Variants in SNRNP200 observed in about 807,000 individuals in gnomAD.
SNRNP200 encodes small nuclear ribonucleoprotein U5 subunit 200.
SNRNP200 carries 66 observed loss-of-function variants against 255.2 expected under a neutral mutation model. The ratio of observed to expected loss-of-function variants is 0.26; its 90% CI spans 0.21 to 0.32. The LOEUF (loss-of-function observed/expected upper bound fraction) is 0.32. SNRNP200 is among the 10% of genes least tolerant of loss of function. SNRNP200 has a pLI of 1.00. For missense variants in SNRNP200, 1,585 were observed against 2,749.8 expected (o/e 0.58, Z 9.47); for synonymous variants, 939 against 1,027.8 (o/e 0.91, Z 1.65).
intron 24 of SNRNP200, among the ~76,000 whole-genome samples, 180 bp from the exon 25 acceptor site, chr2:96,288,149 G>C (rs2063855306): frequency 1.3e-5 from 2 of 152,154 alleles, no homozygotes; most frequent in African/African-American, 2.4e-5. Context: ...TTGCCGGATG[G>C]GGAACAATTA....
rs957502407 is a variant in SNRNP200, at chr2:96,278,136, G to A, written c.5610+101C>T. The stretch of plus-strand genomic sequence containing the variant: ...GGAGGACATATGGCGGGGGTCGGGG[G>A]ATGCGTATGGGCGTGTTGGTGGCAG... On this transcript the variant is annotated intron_variant, in intron 39 of 44. Coordinates refer to ENST00000323853, the MANE Select transcript of SNRNP200 (RefSeq NM_014014.5). The surrounding 1 kb of genome is among the most constrained non-coding windows in gnomAD (Gnocchi z 6.9). 3.2e-6 allele frequency: 5 copies of A among 1,581,550 alleles called. No homozygotes were observed. Among genetic ancestry groups the A allele is most frequent in the Non-Finnish European group, 4.3e-6 (5 of 1,152,672 alleles).
Position 96,305,464 on chromosome 2 carries a change from C to A in SNRNP200, c.-27G>T. 6.2e-7 allele frequency: 1 copy of A among 1,613,730 alleles called. No individual in the cohort carries two copies. The highest frequency in any genetic ancestry group is 8.5e-7 in the Non-Finnish European group (1 of 1,180,012). On this transcript the variant is annotated 5_prime_UTR_variant, in exon 1 of 45. Transcript: ENST00000323853. Reference sequence around the variant, plus strand: ...GCCGCGGCTGCTCGGAGGCTTCAGACCACCACGCCTCCCTACCGCAAGCTG... The same window carrying A: ...GCCGCGGCTGCTCGGAGGCTTCAGAACACCACGCCTCCCTACCGCAAGCTG...
At chr2:96,296,358 A>G (rs1054192592) in intron 13 of SNRNP200, among the ~76,000 whole-genome samples, 178 bp downstream of exon 13, 1 of 152,182 alleles carries the variant, frequency 6.6e-6, no homozygotes, top group Non-Finnish European at 1.5e-5. Flanking sequence ...TACTTCAGAA[A>G]CTCTGTACCT....
At chr2:96,295,749 G>C in intron 13 of SNRNP200, 91 bp from the exon 14 acceptor site, 1 of 1,362,210 alleles carries the variant, frequency 7.3e-7, no homozygotes, top group Non-Finnish European at 1.0e-6. Context: ...AGGGCATTGG[G>C]AGCAGGTATC....
At position 96,283,373 on chromosome 2, in the gene SNRNP200, C is replaced by T. The variant is rs1436457211; in HGVS notation, c.4764-21G>A. ...AGAACCTGTGCGGTACAGGCACTGG[C>T]TCAGCTCAGAGTAGTTCAATTCCTG... On this transcript the variant is annotated intron_variant, in intron 33 of 44. Coordinates refer to ENST00000323853, the MANE Select transcript of SNRNP200 (RefSeq NM_014014.5). This position sits in a 1 kb window ranked among gnomAD's most constrained non-coding sequence, Gnocchi z 4.7. 6.2e-7 allele frequency: 1 copy of T among 1,613,988 alleles called. No homozygotes were observed. The highest frequency in any genetic ancestry group is 1.7e-5 in the Admixed American group (1 of 60,000).
intron 29 of SNRNP200, among the ~76,000 whole-genome samples, chr2:96,285,912 A>G (rs936690854): frequency 2.6e-5 from 4 of 152,190 alleles, no homozygotes; most frequent in Admixed American, 1.3e-4. Flanking sequence ...TAAGAGAGAA[A>G]ACACCGGTGA....
rs917860283 is a variant in SNRNP200 at position 96,288,647 on chromosome 2, A to C, written c.3258+16T>G. The C allele has an allele frequency of 1.2e-6, 2 of 1,610,966 alleles. No individual in the cohort carries two copies. The highest frequency in any genetic ancestry group is 2.7e-5 in the African/African-American group (2 of 74,864). On this transcript the variant is annotated intron_variant, in intron 24 of 44. Coordinates refer to ENST00000323853, the MANE Select transcript of SNRNP200 (RefSeq NM_014014.5). ...TCAGGCCCCTTCTCACAGCTGCCAT[A>C]CAACTCCGCTCTCACCTGTGTGACA...
At position 96,305,539 on chromosome 2, in the gene SNRNP200, G is replaced by A. The variant is rs899400829; in HGVS notation, c.-102C>T. ...CGCCGCGCCGGAACGACGCAGGAAA[G>A]ACGCACTGGGGAAGGAAAAGAAACG... On this transcript the variant is annotated 5_prime_UTR_variant, in exon 1 of 45. Coordinates refer to ENST00000323853, the MANE Select transcript of SNRNP200 (RefSeq NM_014014.5). 2 of 1,499,594 alleles carry A rather than the reference G, an allele frequency of 1.3e-6. No homozygotes were observed. Among genetic ancestry groups the A allele is most frequent in the Non-Finnish European group, 1.8e-6 (2 of 1,084,556 alleles). The allele number at this position is 1,499,594 out of a possible 1,614,324, so 92.9% of individuals were successfully genotyped here.
intron 35 of SNRNP200, chr2:96,281,222 A>G (rs1385468247): frequency 1.4e-5 from 2 of 140,178 alleles, no homozygotes; most frequent in African/African-American, 5.5e-5. Context: ...GCTAGAGTGC[A>G]ATGGTGGGAT....
chr2:96,301,245 C>A (rs916094276), intron 4 of SNRNP200, among the ~76,000 whole-genome samples, 192 bp from the exon 5 acceptor site: 1 of 152,202 alleles, frequency 6.6e-6, no homozygotes, highest in Admixed American at 6.5e-5. Flanking sequence ...CACCTGCCAG[C>A]CTTGGAGTCA....
chr2:96,286,465 A>G lies in SNRNP200; in HGVS notation c.3849T>C (p.Pro1283=). Residue 1283 remains proline, a synonymous_variant, in exon 29 of 45, where the codon CCT becomes CCC. Transcript: ENST00000323853. The surrounding 1 kb of genome is among the most constrained non-coding windows in gnomAD (Gnocchi z 4.8). ...GCAAGATCAGGTGCCGGAAGGAGAC[A>G]GGCAGCTGGGTCTCACAAGCTGCCA... is the stretch of plus-strand genomic sequence containing the variant. The part of the protein sequence containing the change: ...DRWLSCETQL[P]VSFRHLILPE... 3.1e-6 allele frequency: 5 copies of G among 1,614,192 alleles called. No individual in the cohort carries two copies. The highest frequency in any genetic ancestry group is 3.4e-6 in the Non-Finnish European group (4 of 1,180,030).
intron 13 of SNRNP200, 44 bp downstream of exon 13, chr2:96,296,492 T>A (rs766090940): frequency 6.2e-7 from 1 of 1,606,384 alleles, no homozygotes. Context: ...AACACTTTCA[T>A]AGGTGCACCC....
chr2:96,297,993 T>C (rs1051833367), intron 9 of SNRNP200, among the ~76,000 whole-genome samples: 1 of 152,190 alleles, frequency 6.6e-6, no homozygotes, highest in Non-Finnish European at 1.5e-5. Context: ...TGGGTTCCAT[T>C]AAGCAAGTAC....
chr2:96,299,365 C>T lies in SNRNP200; in HGVS notation c.693G>A (p.Gly231=), dbSNP rs755766218. 3.1e-6 allele frequency: 5 copies of T among 1,613,998 alleles called. No individual in the cohort carries two copies. Among genetic ancestry groups the T allele is most frequent in the Admixed American group, 1.7e-5 (1 of 60,004 alleles). Residue 231 remains glycine (G), a synonymous_variant, in exon 6 of 45, where the codon GGG becomes GGA. Coordinates refer to ENST00000323853, the MANE Select transcript of SNRNP200 (RefSeq NM_014014.5). ...GGGTGCAGCGCACGACAGCCTCGTC[C>T]CCTTCCATGTCATCATCAGATGCCT... ...REEASDDDME[G]DEAVVRCTLS... is the part of the protein sequence containing the mutation.
rs1180809021 is a variant in SNRNP200, at chr2:96,288,671, C to A, written c.3250G>T (p.Val1084Phe). The A allele has an allele frequency of 1.2e-6, 2 of 1,613,862 alleles. No individual in the cohort carries two copies. Among genetic ancestry groups the A allele is most frequent in the East Asian group, 4.5e-5 (2 of 44,870 alleles). ...TACAACTCCGCTCTCACCTGTGTGA[C>A]ATACACCATGTCAGCCATCAGTGCA... ...GFALMADMVY[V>F]TQSAGRLMRA... Residue 1084 changes from valine (V) to phenylalanine (F), a missense_variant, in exon 24 of 45, where the codon GTC (valine) becomes TTC (phenylalanine). Coordinates refer to ENST00000323853, the MANE Select transcript of SNRNP200 (RefSeq NM_014014.5).
chr2:96,295,613 G>T lies in SNRNP200; in HGVS notation c.1717C>A (p.His573Asn). The T allele has an allele frequency of 6.2e-7, 1 of 1,614,004 alleles. No homozygotes were observed. The highest frequency in any genetic ancestry group is 8.5e-7 in the Non-Finnish European group (1 of 1,180,010). The change falls in exon 14 of 45, where the codon CAC (histidine) becomes AAC (asparagine). Residue 573 changes from histidine (H) to asparagine (N), a missense_variant. By Grantham distance (68) the His-to-Asn change is moderately conservative (BLOSUM62 1). Transcript: ENST00000323853. ...GITVAELTGD[H>N]QLCKEEISAT... ...CTGATCTCTTCTTTGCACAGCTGGT[G>T]GTCCCCAGTCAGTTCAGCAACAGTG...
At position 96,287,296 on chromosome 2, in the gene SNRNP200, A is replaced by C; in HGVS notation, c.3485-136T>G. ...GGAGCCCAGGATTCCAAGTCCCCAG[A>C]CCAAGGGCCAGCCTGTACTTCAGTG... On this transcript the variant is annotated intron_variant, in intron 26 of 44. Transcript: ENST00000323853. The surrounding 1 kb of genome is among the most constrained non-coding windows in gnomAD (Gnocchi z 5.7). The C allele has an allele frequency of 7.9e-7, 1 of 1,258,556 alleles. No individual in the cohort carries two copies. The highest frequency in any genetic ancestry group is 1.2e-5 in the South Asian group (1 of 83,090). 78.0% of individuals were successfully genotyped at this position (1,258,556 alleles called of 1,614,324 possible).
Position 96,276,349 on chromosome 2 carries a change from T to C in SNRNP200, c.6174+555A>G, listed in dbSNP as rs547026414. 15 of 160,786 alleles carry C rather than the reference T, an allele frequency of 9.3e-5. No individual in the cohort carries two copies. The South Asian group carries it at 2.3e-3, about 24-fold the overall frequency. The allele number at this position is 160,786 out of a possible 1,614,324, so 10.0% of individuals were successfully genotyped here. The stretch of plus-strand genomic sequence containing the variant: ...TGCAGCCATCGGAGTTAAAGACAAA[T>C]GCATCTTAAAGAGTCAGAGAGATGG... On this transcript the variant is annotated intron_variant, in intron 43 of 44. Coordinates refer to ENST00000323853, the MANE Select transcript of SNRNP200 (RefSeq NM_014014.5).
At position 96,298,860 on chromosome 2, in the gene SNRNP200, G is replaced by A. The variant is rs1184097876; in HGVS notation, c.837C>T (p.Ala279=). 1 of 1,614,132 alleles carries A rather than the reference G, an allele frequency of 6.2e-7. No homozygotes were observed. Among genetic ancestry groups the A allele is most frequent in the East Asian group, 2.2e-5 (1 of 44,886 alleles). Residue 279 remains alanine (A), a synonymous_variant, in exon 7 of 45, where the codon GCC becomes GCT. Transcript: ENST00000323853. The part of the protein sequence containing the change: ...QRQLSRFYDD[A]IVSQKKADEV... ...CATCTGCCTTCTTCTGCGACACGATGGCATCATCATAGAAACGACTGAGCT... is the reference window on the plus strand; with the variant it reads ...CATCTGCCTTCTTCTGCGACACGATAGCATCATCATAGAAACGACTGAGCT...
Sources: allele counts gnomAD v4.1 joint callset (sites outside exome capture counted in the v4.1 genomes callset), GRCh38; gene constraint gnomAD v4.1.1; non-coding constraint Gnocchi (gnomAD v3.1); transcripts MANE v1.5; gene names NCBI Gene and HGNC (gene_info 2026-07-23, HGNC 2026-07-21).